Variants in LRRIQ1 observed in about 807,000 individuals in gnomAD.
LRRIQ1 encodes leucine rich repeats and IQ motif containing 1.
LRRIQ1 carries 210 observed loss-of-function variants against 211.9 expected under a neutral mutation model. The ratio of observed to expected loss-of-function variants is 0.99; its 90% confidence interval spans 0.89 to 1.11. LRRIQ1 has a LOEUF of 1.11. LRRIQ1 is among the 50% of genes most tolerant of loss of function. The pLI is 0.00. For synonymous variants in LRRIQ1, 699 were observed against 650.1 expected, an observed-to-expected ratio of 1.08 and a Z score of -1.14; for missense variants, 2,136 against 1,939.5, an observed-to-expected ratio of 1.10 and a Z score of -1.90.
exon 2 of LRRIQ1, chr12:85,263,955 C>T (rs1896368793): frequency 6.6e-6 from 1 of 151,996 alleles, no homozygotes; most frequent in African/African-American, 2.4e-5. Context: ...TCTCATTGAG[C>T]TGTTACTCTC....
At chr12:85,085,110 G>A (rs812353) in intron 11 of LRRIQ1, among the ~76,000 whole-genome samples, 2,509 of 151,744 alleles carry the variant, frequency 0.017, 68 homozygotes, top group African/African-American at 0.058. Context: ...GTTTTTTTGC[G>A]TGTTTCCCCC....
chr12:85,121,529 T>C (rs749114659), intron 15 of LRRIQ1, among the ~76,000 whole-genome samples, 168 bp from the exon 16 acceptor site: 2 of 152,162 alleles, frequency 1.3e-5, no homozygotes, highest in African/African-American at 2.4e-5. Flanking sequence ...TTTAAAGAAA[T>C]GTAACAACAA....
intron 8 of LRRIQ1, among the ~76,000 whole-genome samples, chr12:85,064,986 T>G (rs1421370211): frequency 6.6e-6 from 1 of 151,770 alleles, no homozygotes; most frequent in Non-Finnish European, 1.5e-5. Flanking sequence ...TGTTGAAAAC[T>G]CAGGGAGTGA....
rs530755284 is a variant in LRRIQ1, at chr12:85,196,412, C to A, written c.4823-33105C>A. Among the ~76,000 whole-genome samples the A allele has an allele frequency of 2.0e-4, 31 of 152,078 alleles. No individual in the cohort carries two copies. The South Asian group carries it at 2.7e-3, about 13-fold the overall frequency. ...GAACAAAGCTGGAGGCATCACACTA[C>A]CTAACTTCAAACTATACTACAAGGC... is the stretch of plus-strand genomic sequence containing the variant. On this transcript the variant is annotated intron_variant, in intron 24 of 26. Transcript: ENST00000393217.
intron 24 of LRRIQ1, among the ~76,000 whole-genome samples, chr12:85,171,902 T>A (rs1049751998): frequency 2.0e-5 from 3 of 152,184 alleles, no homozygotes; most frequent in African/African-American, 7.2e-5. Context: ...GCAAATAAAT[T>A]TCTGTTATTT....
At chr12:85,183,166 G>A (rs1892066649) in intron 24 of LRRIQ1, among the ~76,000 whole-genome samples, 1 of 152,088 alleles carries the variant, frequency 6.6e-6, no homozygotes, top group East Asian at 1.9e-4. Flanking sequence ...TTAAGTTTTA[G>A]TAATCATATA....
intron 15 of LRRIQ1, among the ~76,000 whole-genome samples, chr12:85,109,067 C>G (rs1227064339): frequency 6.6e-6 from 1 of 152,060 alleles, no homozygotes; most frequent in Non-Finnish European, 1.5e-5. Context: ...GTGGCCATGT[C>G]CAGGAAGATC....
chr12:85,077,358 G>A (rs528327815), intron 11 of LRRIQ1, among the ~76,000 whole-genome samples: 133 of 152,284 alleles, frequency 8.7e-4, no homozygotes, highest in African/African-American at 3.1e-3. Context: ...TATTTTGTGA[G>A]ATCTAGGAAA....
chr12:85,120,984 T>G (rs566119991), intron 15 of LRRIQ1, among the ~76,000 whole-genome samples: 1 of 152,252 alleles, frequency 6.6e-6, no homozygotes, highest in East Asian at 1.9e-4. Context: ...GTTTTTGTTT[T>G]TTGAGATGGA....
At chr12:85,104,534 A>G (rs980462573) in intron 14 of LRRIQ1, among the ~76,000 whole-genome samples, 1 of 151,894 alleles carries the variant, frequency 6.6e-6, no homozygotes, top group Non-Finnish European at 1.5e-5. Flanking sequence ...TTTTGTCTTT[A>G]TATTAATTGG....
At chr12:85,148,665 A>G (rs1220397956) in intron 19 of LRRIQ1, among the ~76,000 whole-genome samples, 1 of 152,036 alleles carries the variant, frequency 6.6e-6, no homozygotes, top group African/African-American at 2.4e-5. Context: ...GTATATACCT[A>G]GTAATGAGAT....
intron 1 of LRRIQ1, among the ~76,000 whole-genome samples, chr12:85,254,490 C>G (rs1896032704): frequency 6.6e-6 from 1 of 152,008 alleles, no homozygotes; most frequent in Non-Finnish European, 1.5e-5. Flanking sequence ...TTTTCTACTG[C>G]ATATAGTGTT....
At chr12:85,228,952 C>T (rs1435862529) in intron 24 of LRRIQ1, among the ~76,000 whole-genome samples, 9 of 152,114 alleles carry the variant, frequency 5.9e-5, no homozygotes, top group Admixed American at 5.2e-4. Context: ...AGCCCTAAAC[C>T]AAAAATGGAG....
chr12:85,151,048 A>G (rs576099876), intron 19 of LRRIQ1, among the ~76,000 whole-genome samples: 4 of 151,546 alleles, frequency 2.6e-5, no homozygotes, highest in African/African-American at 9.7e-5. Context: ...ATGTTGTGCA[A>G]AAGAGCTCTT....
At chr12:85,243,039 TTAAA>T (rs753009863) in intron 26 of LRRIQ1, among the ~76,000 whole-genome samples, 5 of 151,654 alleles carry the variant, frequency 3.3e-5, no homozygotes, top group Non-Finnish European at 7.4e-5. Context: ...GTCATTACAT[TTAAA>T]TAAATAAACC....
At chr12:85,263,680 A>G (rs2137346216) in exon 2 of LRRIQ1, 1 of 152,120 alleles carries the variant, frequency 6.6e-6, no homozygotes, top group East Asian at 1.9e-4. Context: ...TCAGATGTTT[A>G]TTACCCTTAT....
At chr12:85,078,586 G>A (rs1644924893) in intron 11 of LRRIQ1, among the ~76,000 whole-genome samples, 1 of 151,642 alleles carries the variant, frequency 6.6e-6, no homozygotes, top group Admixed American at 6.6e-5. Flanking sequence ...TGTTTTTGAG[G>A]GCATGCTATT....
At chr12:85,176,310 C>G (rs1891695667) in intron 24 of LRRIQ1, among the ~76,000 whole-genome samples, 1 of 151,778 alleles carries the variant, frequency 6.6e-6, no homozygotes, top group Non-Finnish European at 1.5e-5. Flanking sequence ...CTCTGTTTGT[C>G]TGTTATTGGT....
intron 11 of LRRIQ1, among the ~76,000 whole-genome samples, chr12:85,079,387 C>T (rs895483308): frequency 6.6e-6 from 1 of 151,364 alleles, no homozygotes; most frequent in African/African-American, 2.4e-5. Flanking sequence ...CCATGCCCGG[C>T]TAATTTTTTG....
Sources: gnomAD v4.1 joint callset for allele counts (sites outside exome capture counted in the v4.1 genomes callset) on GRCh38, gnomAD v4.1.1 for gene constraint, MANE v1.5 for transcripts, NCBI Gene and HGNC (gene_info 2026-07-23, HGNC 2026-07-21) for gene names.